The following ESYT3 variants were observed in gnomAD, a reference collection of about 807,000 sequenced individuals.
The protein encoded by ESYT3 is extended synaptotagmin 3.
In ESYT3, 101 loss-of-function variants were observed where a neutral mutation model predicts 111.5. The ratio of observed to expected loss-of-function variants is 0.91; its 90% CI spans 0.77 to 1.07. The LOEUF (loss-of-function observed/expected upper bound fraction) is 1.07, where lower values mean the gene tolerates loss of function less well. ESYT3 is among the 50% of genes least tolerant of loss of function. ESYT3 has a pLI of 0.00. For missense variants in ESYT3, 1,097 were observed against 1,109.4 expected (o/e 0.99, Z 0.16); for synonymous variants, 416 against 446.8 (o/e 0.93, Z 0.87).
chr3:138,475,374 T>G (rs1376047297), intron 20 of ESYT3, among the ~76,000 whole-genome samples: 4 of 152,220 alleles, frequency 2.6e-5, no homozygotes, highest in African/African-American at 9.6e-5. Context: ...AATCTGTTAC[T>G]AATTCTCAAA....
chr3:138,434,633 T>C lies in ESYT3; in HGVS notation c.-166T>C. 1 of 621,086 alleles carries C rather than the reference T, an allele frequency of 1.6e-6. No individual in the cohort carries two copies. The highest frequency in any genetic ancestry group is 2.6e-6 in the Non-Finnish European group (1 of 379,668). 38.5% of individuals were successfully genotyped at this position (621,086 alleles called of 1,614,324 possible). The stretch of plus-strand genomic sequence containing the variant: ...GGCGCGGTGCATTTCCAGGCGCTGC[T>C]CTCCGTCGCAGAGAACCCTGAGCTC... On this transcript the variant is annotated 5_prime_UTR_variant, in exon 1 of 23. Coordinates refer to ENST00000389567, the MANE Select transcript of ESYT3 (RefSeq NM_031913.5).
At chr3:138,443,069 C>T (rs1399896649) in intron 1 of ESYT3, among the ~76,000 whole-genome samples, 2 of 152,190 alleles carry the variant, frequency 1.3e-5, no homozygotes, top group African/African-American at 2.4e-5. Context: ...GGGCCACCCC[C>T]CTCTGCTTTG....
intron 20 of ESYT3, among the ~76,000 whole-genome samples, chr3:138,475,731 C>G (rs2033449496): frequency 6.6e-6 from 1 of 152,014 alleles, no homozygotes; most frequent in Non-Finnish European, 1.5e-5. Flanking sequence ...AGTTTGAGAC[C>G]AGCCTGACCA....
At chr3:138,451,245 C>T (rs775902022) in intron 1 of ESYT3, among the ~76,000 whole-genome samples, 4 of 152,064 alleles carry the variant, frequency 2.6e-5, no homozygotes, top group Admixed American at 6.5e-5. Context: ...GTTGTGACCC[C>T]GTAGTTGGAA....
chr3:138,461,956 G>A, intron 7 of ESYT3, 130 bp from the exon 8 acceptor site: 1 of 1,338,412 alleles, frequency 7.5e-7, no homozygotes, highest in Non-Finnish European at 1.0e-6. Context: ...AGGCAAGTGG[G>A]GTCAGGGCTG....
At position 138,476,809 on chromosome 3, in the gene ESYT3, G is replaced by C. The variant is rs371221156; in HGVS notation, c.2625-9G>C. The C allele has an allele frequency of 6.2e-7, 1 of 1,613,746 alleles. No individual in the cohort carries two copies. Among genetic ancestry groups the C allele is most frequent in the African/African-American group, 1.3e-5 (1 of 74,904 alleles). On this transcript the variant is annotated splice_polypyrimidine_tract_variant and intron_variant, in intron 22 of 22. Coordinates refer to ENST00000389567, the MANE Select transcript of ESYT3 (RefSeq NM_031913.5). The stretch of plus-strand genomic sequence containing the variant: ...ACTAACGTTAAGTCCAAACGTAACT[G>C]TCTTACAGGTATGAGCTGACTCCAA...
chr3:138,464,248 G>T, intron 8 of ESYT3, 97 bp from the exon 9 acceptor site: 3 of 1,392,470 alleles, frequency 2.2e-6, no homozygotes, highest in Non-Finnish European at 3.0e-6. Context: ...GGGGCAATAT[G>T]GGGGCAGCAG....
chr3:138,467,221 G>C (rs2032973736), intron 10 of ESYT3, among the ~76,000 whole-genome samples: 1 of 152,230 alleles, frequency 6.6e-6, no homozygotes, highest in Non-Finnish European at 1.5e-5. Context: ...TGCAATGCAT[G>C]GGTAGTTTTG....
chr3:138,477,816 C>G lies in ESYT3; in HGVS notation c.*962C>G, dbSNP rs1189053168. ...ATACTTCTCATCCCCTCCAACATTC[C>G]TGGACCTCCTCTTCTCTCTTACCAA... On this transcript the variant is annotated 3_prime_UTR_variant, in exon 23 of 23. Coordinates refer to ENST00000389567, the MANE Select transcript of ESYT3 (RefSeq NM_031913.5). 3.9e-5 allele frequency: 6 copies of G among 152,310 alleles called. No homozygotes were observed. Among genetic ancestry groups the G allele is most frequent in the African/African-American group, 7.2e-5 (3 of 41,558 alleles). 9.4% of individuals were successfully genotyped at this position (152,310 alleles called of 1,614,324 possible).
At chr3:138,450,885 C>T (rs2031876287) in intron 1 of ESYT3, among the ~76,000 whole-genome samples, 1 of 152,246 alleles carries the variant, frequency 6.6e-6, no homozygotes, top group South Asian at 2.1e-4. Flanking sequence ...CTTTTCCCCA[C>T]CGTGGGTGGT....
intron 1 of ESYT3, among the ~76,000 whole-genome samples, chr3:138,446,169 G>A (rs1189093791): frequency 6.6e-6 from 1 of 152,220 alleles, no homozygotes; most frequent in Non-Finnish European, 1.5e-5. Flanking sequence ...ACCAATCAGG[G>A]CTAAAGCCCC....
chr3:138,451,948 C>A (rs1436786264), intron 1 of ESYT3, 100 bp from the exon 2 acceptor site: 8 of 1,304,170 alleles, frequency 6.1e-6, no homozygotes, highest in Non-Finnish European at 5.5e-6. Context: ...GGTTGAGGTG[C>A]AGCGCGTGGG....
Position 138,435,144 on chromosome 3 carries a change from G to A in ESYT3, c.327+19G>A. ...AGCCTGGGTGAGCCAAGCCGGGTGG[G>A]AGTGGGAGGTGGGGAGATGCCTTTC... On this transcript the variant is annotated intron_variant, in intron 1 of 22. Coordinates refer to ENST00000389567, the MANE Select transcript of ESYT3 (RefSeq NM_031913.5). This position sits in a 1 kb window ranked among gnomAD's most constrained non-coding sequence, Gnocchi z 4.8. 1 of 1,551,810 alleles carries A rather than the reference G, an allele frequency of 6.4e-7. No homozygotes were observed. The highest frequency in any genetic ancestry group is 1.9e-5 in the Admixed American group (1 of 53,302).
At chr3:138,453,887 T>A (rs57350682) in intron 2 of ESYT3, among the ~76,000 whole-genome samples, 5,210 of 152,242 alleles carry the variant, frequency 0.034, 290 homozygotes, top group African/African-American at 0.12. Context: ...GAGTCTTGCT[T>A]TGTTGCCCAA....
At chr3:138,451,977 A>C in intron 1 of ESYT3, 71 bp from the exon 2 acceptor site, 2 of 1,565,228 alleles carry the variant, frequency 1.3e-6, no homozygotes, top group East Asian at 2.2e-5. Flanking sequence ...GAAGCCCGCC[A>C]GGCTGGCTTG....
At position 138,479,297 on chromosome 3, in the gene ESYT3, T is replaced by C. The variant is rs1419520187; in HGVS notation, c.*2443T>C. On this transcript the variant is annotated 3_prime_UTR_variant, in exon 23 of 23. Coordinates refer to ENST00000389567, the MANE Select transcript of ESYT3 (RefSeq NM_031913.5). ...AGATATAAACAAATAACCAAAGATT[T>C]TTGCAAGGGTTCAGAAACATAGTAG... 6.6e-6 allele frequency: 1 copy of C among 152,132 alleles called. No homozygotes were observed. Among genetic ancestry groups the C allele is most frequent in the Non-Finnish European group, 1.5e-5 (1 of 68,030 alleles). The allele number at this position is 152,132 out of a possible 1,614,324, so 9.4% of individuals were successfully genotyped here.
At chr3:138,437,494 G>C (rs555781621) in intron 1 of ESYT3, among the ~76,000 whole-genome samples, 1 of 152,198 alleles carries the variant, frequency 6.6e-6, no homozygotes, top group Non-Finnish European at 1.5e-5. Context: ...ACAGCATGGA[G>C]GTGTGACATA....
At chr3:138,473,881 CTG>C (rs1273193944) in intron 19 of ESYT3, among the ~76,000 whole-genome samples, 2 of 152,342 alleles carry the variant, frequency 1.3e-5, no homozygotes, top group Non-Finnish European at 2.9e-5. Flanking sequence ...CACTGCAAGA[CTG>C]TCTGGAGTGG....
intron 7 of ESYT3, 107 bp from the exon 8 acceptor site, chr3:138,461,979 G>C: frequency 6.5e-7 from 1 of 1,543,656 alleles, no homozygotes; most frequent in Non-Finnish European, 8.8e-7. Context: ...CTCTAGGTGG[G>C]GCCCACCCTA....
Sources: allele counts gnomAD v4.1 joint callset (sites outside exome capture counted in the v4.1 genomes callset), GRCh38; gene constraint gnomAD v4.1.1; non-coding constraint Gnocchi (gnomAD v3.1); transcripts MANE v1.5; gene names NCBI Gene and HGNC (gene_info 2026-07-23, HGNC 2026-07-21).